ELMO2: variants seen among roughly 807,000 people sequenced by gnomAD.
The protein encoded by ELMO2 is engulfment and cell motility protein 2.
Under a neutral mutation model 96.2 loss-of-function variants are expected in ELMO2, and 37 were observed. That is an observed-to-expected ratio of 0.38 (90% CI 0.30 to 0.51). ELMO2 has a LOEUF of 0.51. Ranked by LOEUF, ELMO2 falls within the 20% of genes least tolerant of loss-of-function variation. The pLI, the probability that ELMO2 is intolerant of heterozygous loss-of-function variation, is 0.88. For synonymous variants in ELMO2, 315 were observed against 329.4 expected, an observed-to-expected ratio of 0.96 and a Z score of 0.47; for missense variants, 561 against 912.6, an observed-to-expected ratio of 0.61 and a Z score of 4.96.
At chr20:46,406,527 C>T (rs1376357884) in intron 1 of ELMO2, 21 bp downstream of exon 1, 1 of 152,650 alleles carries the variant, frequency 6.6e-6, no homozygotes, top group East Asian at 1.9e-4. Flanking sequence ...CGCCCCGACC[C>T]CCAGGGCGCC....
chr20:46,373,400 T>G lies in ELMO2; in HGVS notation c.1415A>C (p.Lys472Thr). 6.2e-7 allele frequency: 1 copy of G among 1,614,172 alleles called. No individual in the cohort carries two copies. The highest frequency in any genetic ancestry group is 8.5e-7 in the Non-Finnish European group (1 of 1,180,020). Residue 472 changes from lysine to threonine, a missense_variant and splice_region_variant, in exon 16 of 22, where the codon AAG (lysine) becomes ACG (threonine). Physicochemically the swap from Lys to Thr is moderately conservative, Grantham distance 78 (BLOSUM62 -1). Transcript: ENST00000290246. Reference sequence around the variant, plus strand: ...TCAGAGCAGCCCGGAGACACTGACCTTGTTGAAGTCCTCTGCTGTTGCCCT... The same window carrying G: ...TCAGAGCAGCCCGGAGACACTGACCGTGTTGAAGTCCTCTGCTGTTGCCCT... ...EMRATAEDFN[K>T]VMQVVREQIT...
intron 19 of ELMO2, 25 bp from the exon 20 acceptor site, chr20:46,370,550 C>G (rs2059681946): frequency 6.2e-7 from 1 of 1,609,640 alleles, no homozygotes; most frequent in Non-Finnish European, 8.5e-7. Flanking sequence ...GAATTAGTCT[C>G]TGGAAGTTCA....
intron 2 of ELMO2, among the ~76,000 whole-genome samples, chr20:46,395,027 C>T (rs1338938558): frequency 3.9e-5 from 6 of 152,188 alleles, no homozygotes; most frequent in African/African-American, 7.2e-5. Context: ...ATCGATGCCA[C>T]CCCTTTCCCC....
At chr20:46,400,514 AC>A (rs2060317999) in intron 1 of ELMO2, among the ~76,000 whole-genome samples, 1 of 152,264 alleles carries the variant, frequency 6.6e-6, no homozygotes, top group Admixed American at 6.5e-5. Flanking sequence ...TCAATTGCAA[AC>A]CACCAGCATA....
intron 16 of ELMO2, among the ~76,000 whole-genome samples, chr20:46,372,415 G>A (rs1038239249): frequency 1.3e-5 from 2 of 152,212 alleles, no homozygotes; most frequent in Non-Finnish European, 2.9e-5. Context: ...CGGATCACCT[G>A]AGGTCAGGAG....
chr20:46,403,399 C>T (rs887007743), intron 1 of ELMO2, among the ~76,000 whole-genome samples: 7 of 152,198 alleles, frequency 4.6e-5, no homozygotes, highest in Admixed American at 4.6e-4. Flanking sequence ...CACATGAAAC[C>T]AGCATAGCAT....
chr20:46,390,100 C>T (rs915933824), intron 6 of ELMO2, among the ~76,000 whole-genome samples: 7 of 152,120 alleles, frequency 4.6e-5, no homozygotes, highest in African/African-American at 1.7e-4. Context: ...CTGCAGTGAG[C>T]CAAGATCATG....
Position 46,389,134 on chromosome 20 carries a change from G to A in ELMO2, c.330C>T (p.Leu110=), listed in dbSNP as rs1292916601. Residue 110 remains leucine (L), a synonymous_variant, in exon 7 of 22, where the codon CTC becomes CTT. Coordinates refer to ENST00000290246, the MANE Select transcript of ELMO2 (RefSeq NM_133171.5). Reference sequence around the variant, plus strand: ...CAGTAGCGAAAGTCACGTCGGCAGAGAGCTTGGCCAGCTCCTTCATGGCAT... The same window carrying A: ...CAGTAGCGAAAGTCACGTCGGCAGAAAGCTTGGCCAGCTCCTTCATGGCAT... ...RLDAMKELAK[L]SADVTFATEF... The A allele has an allele frequency of 6.2e-7, 1 of 1,614,210 alleles. No individual in the cohort carries two copies. Among genetic ancestry groups the A allele is most frequent in the Non-Finnish European group, 8.5e-7 (1 of 1,180,034 alleles).
chr20:46,379,971 C>T (rs73296066), intron 11 of ELMO2: 4,588 of 288,992 alleles, frequency 0.016, 193 homozygotes, highest in African/African-American at 0.091. Context: ...TAACATATTC[C>T]CTCTGGATAA....
intron 8 of ELMO2, 145 bp downstream of exon 8, chr20:46,387,193 A>C: frequency 3.1e-6 from 2 of 649,972 alleles, no homozygotes; most frequent in South Asian, 2.1e-5. Flanking sequence ...AAGCCACAGA[A>C]GACTAGAGCT....
chr20:46,373,922 G>A (rs940712811), intron 15 of ELMO2, among the ~76,000 whole-genome samples: 3 of 122,878 alleles, frequency 2.4e-5, no homozygotes, highest in East Asian at 4.8e-4. Context: ...TAGTCCCACT[G>A]ACATCTTTTT....
chr20:46,394,032 G>C lies in ELMO2; in HGVS notation c.119+17C>G, dbSNP rs368618030. 1 of 1,613,846 alleles carries C rather than the reference G, an allele frequency of 6.2e-7. No homozygotes were observed. Among genetic ancestry groups the C allele is most frequent in the Admixed American group, 1.7e-5 (1 of 59,974 alleles). The stretch of plus-strand genomic sequence containing the variant: ...TCGGAGCTGCCACTGTTGAAAACGA[G>C]GTCCATTTCAACCTACCCATCACAA... On this transcript the variant is annotated intron_variant, in intron 4 of 21. Transcript: ENST00000290246.
intron 2 of ELMO2, among the ~76,000 whole-genome samples, chr20:46,396,578 C>A (rs2060247903): frequency 6.6e-6 from 1 of 152,154 alleles, no homozygotes. Flanking sequence ...TTATCATCAT[C>A]CATGAGTTTT....
At chr20:46,369,136 C>T in intron 20 of ELMO2, 168 bp from the exon 21 acceptor site, 1 of 599,422 alleles carries the variant, frequency 1.7e-6, no homozygotes, top group Non-Finnish European at 3.0e-6. Context: ...TGAGGCCCAG[C>T]ATAAATCAAC....
At chr20:46,378,076 T>G (rs1033757780) in intron 11 of ELMO2, among the ~76,000 whole-genome samples, 2 of 152,278 alleles carry the variant, frequency 1.3e-5, no homozygotes, top group Non-Finnish European at 2.9e-5. Context: ...AATGTGATTC[T>G]GATTTTCATT....
chr20:46,373,047 A>C, intron 16 of ELMO2: 1 of 213,854 alleles, frequency 4.7e-6, no homozygotes. Flanking sequence ...CTTCTCTCCT[A>C]ACCTTCCCAG....
intron 10 of ELMO2, chr20:46,382,074 T>C: frequency 1.3e-6 from 1 of 772,204 alleles, no homozygotes; most frequent in Non-Finnish European, 1.9e-6. Context: ...ACAAAGGAGA[T>C]TCACAGCACA....
At position 46,375,355 on chromosome 20, in the gene ELMO2, T is replaced by C; in HGVS notation, c.946A>G (p.Ile316Val). ...AATGCAATCCTCCTCAGTTCAAATATGATGTCCCTTTGAGCCTGCGAGGTG... is the reference window on the plus strand; with the variant it reads ...AATGCAATCCTCCTCAGTTCAAATACGATGTCCCTTTGAGCCTGCGAGGTG... ...DPNDQAQRDI[I>V]FELRRIAFDA... The change falls in exon 13 of 22, where the codon ATA (isoleucine) becomes GTA (valine). Residue 316 changes from isoleucine (I) to valine (V), a missense_variant. Coordinates refer to ENST00000290246, the MANE Select transcript of ELMO2 (RefSeq NM_133171.5). This position sits in a 1 kb window ranked among gnomAD's most constrained non-coding sequence, Gnocchi z 4.6. 6.2e-7 allele frequency: 1 copy of C among 1,614,130 alleles called. No individual in the cohort carries two copies. Among genetic ancestry groups the C allele is most frequent in the South Asian group, 1.1e-5 (1 of 91,088 alleles).
At chr20:46,381,764 G>T (rs1164671310) in intron 10 of ELMO2, among the ~76,000 whole-genome samples, 1 of 152,184 alleles carries the variant, frequency 6.6e-6, no homozygotes, top group Non-Finnish European at 1.5e-5. Context: ...ATGAAGAAAT[G>T]AGCATCCAAA....
Sources: gnomAD v4.1 joint callset for allele counts (sites outside exome capture counted in the v4.1 genomes callset) on GRCh38, gnomAD v4.1.1 for gene constraint, Gnocchi (gnomAD v3.1) non-coding constraint, MANE v1.5 for transcripts, NCBI Gene and HGNC (gene_info 2026-07-23, HGNC 2026-07-21) for gene names.